Variants in CEPT1 observed in about 807,000 individuals in gnomAD.
CEPT1 encodes the protein choline/ethanolamine phosphotransferase 1, also known as choline/ethanolaminephosphotransferase 1.
CEPT1 carries 7 observed loss-of-function variants against 42.6 expected under a neutral mutation model. The observed-to-expected ratio is 0.16, with a 90% confidence interval of 0.09 to 0.31. The LOEUF (loss-of-function observed/expected upper bound fraction) is 0.31. Among genes scored for constraint, CEPT1 ranks in the 10% least tolerant of loss-of-function variants. The probability of loss-of-function intolerance (pLI) is 1.00; values close to 1 mark genes in which losing one functional copy is unlikely to be tolerated. For synonymous variants in CEPT1, 171 were observed against 171.9 expected (o/e 0.99, Z 0.04); for missense variants, 306 against 502.1 (o/e 0.61, Z 3.73).
At chr1:111,165,110 T>C (rs1045177579) in intron 4 of CEPT1, among the ~76,000 whole-genome samples, 13 of 130,652 alleles carry the variant, frequency 1.0e-4, no homozygotes, top group African/African-American at 3.3e-4. Flanking sequence ...AGTGCAGTGG[T>C]GCGATCTCGA....
At chr1:111,178,961 T>C (rs1656837466) in intron 5 of CEPT1, 1 of 152,246 alleles carries the variant, frequency 6.6e-6, no homozygotes. Context: ...ACATTTGCTG[T>C]ATTTTGGTGG....
chr1:111,158,512 C>T (rs1202574681), intron 2 of CEPT1, among the ~76,000 whole-genome samples: 1 of 151,954 alleles, frequency 6.6e-6, no homozygotes, highest in Admixed American at 6.6e-5. Context: ...ATTTAATGGC[C>T]CATTGAAGAG....
chr1:111,147,896 G>A lies in CEPT1; in HGVS notation c.182G>A (p.Arg61Gln), dbSNP rs142768125. ...LEEHRYQSAGRSLLEPLMQGY... is the reference protein window; with the variant it reads ...LEEHRYQSAGQSLLEPLMQGY... ...GAACACAGATATCAAAGTGCTGGAC[G>A]GTCCCTGCTTGAGCCCTTAATGCAA... The change falls in exon 2 of 9, where the codon CGG (arginine) becomes CAG (glutamine). Residue 61 changes from arginine to glutamine, a missense_variant. Physicochemically the swap from Arg to Gln is conservative, Grantham distance 43. Around this residue, in one of 2 missense-constraint regions of CEPT1, gnomAD observed 253 missense variants for 447.3 expected, o/e 0.57. Coordinates refer to ENST00000357172, the MANE Select transcript of CEPT1 (RefSeq NM_006090.5). The A allele has an allele frequency of 5.3e-5, 85 of 1,614,032 alleles. No individual in the cohort carries two copies. Among genetic ancestry groups the A allele is most frequent in the Middle Eastern group, 1.6e-4 (1 of 6,084 alleles).
chr1:111,183,318 T>G, intron 7 of CEPT1, 144 bp from the exon 8 acceptor site: 1 of 877,234 alleles, frequency 1.1e-6, no homozygotes, highest in Non-Finnish European at 1.7e-6. Flanking sequence ...ACGCATTTCA[T>G]ATTGTTGGGT....
chr1:111,151,240 C>T (rs1655259311), intron 2 of CEPT1, among the ~76,000 whole-genome samples: 1 of 152,048 alleles, frequency 6.6e-6, no homozygotes, highest in South Asian at 2.1e-4. Context: ...TTTCTCCTGC[C>T]TCAGCCTCCC....
chr1:111,141,252 G>C (rs1005338253), intron 1 of CEPT1, among the ~76,000 whole-genome samples: 9 of 152,188 alleles, frequency 5.9e-5, no homozygotes, highest in Admixed American at 5.2e-4. Flanking sequence ...ACTTTGGTAA[G>C]GGCATTTAGA....
intron 6 of CEPT1, chr1:111,182,537 C>T (rs1323323854): frequency 3.5e-6 from 2 of 576,014 alleles, no homozygotes; most frequent in African/African-American, 3.9e-5. Flanking sequence ...CACAAACACA[C>T]TTATTCACAT....
At chr1:111,172,920 A>G (rs773435721) in intron 4 of CEPT1, among the ~76,000 whole-genome samples, 2 of 152,234 alleles carry the variant, frequency 1.3e-5, no homozygotes, top group Non-Finnish European at 2.9e-5. Context: ...AGAATGGTTA[A>G]GAAAATTCTG....
rs1657164927 is a variant in CEPT1, at chr1:111,184,577, A to G, written c.*267A>G. On this transcript the variant is annotated 3_prime_UTR_variant, in exon 9 of 9. Transcript: ENST00000357172. ...TGCCATGTGATTGTAATTATCCTGG[A>G]TTCAGAATAATACTGTGATGGGGAG... 7.2e-6 allele frequency: 2 copies of G among 278,476 alleles called. No homozygotes were observed. Among genetic ancestry groups the G allele is most frequent in the South Asian group, 1.0e-4 (2 of 19,760 alleles). The allele number at this position is 278,476 out of a possible 1,614,324, so 17.3% of individuals were successfully genotyped here. A position where few individuals can be genotyped will look rare whatever the true frequency, so the allele number is the denominator to read the frequency against.
At chr1:111,183,859 C>T (rs1213553394) in intron 8 of CEPT1, among the ~76,000 whole-genome samples, 2 of 152,178 alleles carry the variant, frequency 1.3e-5, no homozygotes, top group African/African-American at 2.4e-5. Flanking sequence ...CAGCATACTA[C>T]ACCCTGTGGG....
chr1:111,162,430 G>A (rs1026937726), intron 4 of CEPT1, among the ~76,000 whole-genome samples: 5 of 152,302 alleles, frequency 3.3e-5, no homozygotes, highest in African/African-American at 1.2e-4. Context: ...GAATGAGAGG[G>A]CAGAGACTGA....
chr1:111,158,656 C>G (rs183738712), intron 2 of CEPT1, among the ~76,000 whole-genome samples: 3 of 152,200 alleles, frequency 2.0e-5, no homozygotes, highest in African/African-American at 4.8e-5. Context: ...ATCCATTTAA[C>G]ATTGTTTAGT....
chr1:111,149,748 G>T (rs528890771), intron 2 of CEPT1, among the ~76,000 whole-genome samples: 3 of 152,304 alleles, frequency 2.0e-5, no homozygotes, highest in East Asian at 3.9e-4. Context: ...AATCATTAGA[G>T]ATATAGTAGA....
chr1:111,154,828 G>C (rs748798776), intron 2 of CEPT1, among the ~76,000 whole-genome samples: 4 of 152,184 alleles, frequency 2.6e-5, no homozygotes, highest in Admixed American at 6.5e-5. Context: ...GCATCCCTGA[G>C]TTAAATCCTC....
intron 2 of CEPT1, 27 bp downstream of exon 2, chr1:111,148,080 A>G: frequency 6.4e-7 from 1 of 1,555,348 alleles, no homozygotes. Flanking sequence ...AGATCTCAAC[A>G]TTTGCTATAT....
chr1:111,158,807 C>T (rs1215491491), intron 2 of CEPT1, among the ~76,000 whole-genome samples: 1 of 151,434 alleles, frequency 6.6e-6, no homozygotes, highest in Non-Finnish European at 1.5e-5. Flanking sequence ...ACACCTAGTC[C>T]AATCTCTTGG....
chr1:111,174,968 C>A lies in CEPT1; in HGVS notation c.714+5C>A. ...CCACCTTTTTGGCAATCTATGGTAA[C>A]TTTGTTCACATTGTGTATCCCATGT... On this transcript the variant is annotated splice_donor_5th_base_variant and intron_variant, in intron 5 of 8. Coordinates refer to ENST00000357172, the MANE Select transcript of CEPT1 (RefSeq NM_006090.5). 6 of 1,570,812 alleles carry A rather than the reference C, an allele frequency of 3.8e-6. No individual in the cohort carries two copies. Among genetic ancestry groups the A allele is most frequent in the Middle Eastern group, 1.7e-4 (1 of 5,982 alleles).
At chr1:111,140,817 C>T (rs943920830) in intron 1 of CEPT1, among the ~76,000 whole-genome samples, 5 of 152,184 alleles carry the variant, frequency 3.3e-5, no homozygotes, top group Admixed American at 6.5e-5. Context: ...TTCTGGTCAG[C>T]AACTTTTCTG....
intron 1 of CEPT1, 79 bp from the exon 2 acceptor site, chr1:111,147,563 A>G (rs533519075): frequency 2.3e-5 from 12 of 532,046 alleles, no homozygotes; most frequent in Non-Finnish European, 3.5e-5. Flanking sequence ...TTTGTTTCCT[A>G]ATTTGTTAAT....
Sources: gnomAD v4.1 joint callset for allele counts (sites outside exome capture counted in the v4.1 genomes callset) on GRCh38, gnomAD v4.1.1 for gene constraint, gnomAD v4.1.1 regional missense constraint, MANE v1.5 for transcripts, NCBI Gene and HGNC (gene_info 2026-07-23, HGNC 2026-07-21) for gene names.